The following NXT1 variants were observed in gnomAD, a reference collection of about 807,000 sequenced individuals.
NXT1 encodes NTF2-related export protein 1.
A neutral mutation model predicts 9.9 loss-of-function variants in NXT1; 3 were observed. That is an observed-to-expected ratio of 0.30 (90% CI 0.14 to 0.79). The LOEUF (loss-of-function observed/expected upper bound fraction) is 0.79. Among genes scored for constraint, NXT1 ranks in the 30% least tolerant of loss-of-function variants. The pLI, the probability that NXT1 is intolerant of heterozygous loss-of-function variation, is 0.63. For missense variants in NXT1, 91 were observed against 178.2 expected, an observed-to-expected ratio of 0.51 and a Z score of 2.79; for synonymous variants, 53 against 66.5, an observed-to-expected ratio of 0.80 and a Z score of 0.99.
chr20:23,352,123 C>T (rs778278444), intron 1 of NXT1, among the ~76,000 whole-genome samples: 13 of 152,090 alleles, frequency 8.5e-5, no homozygotes, highest in Non-Finnish European at 1.6e-4. Flanking sequence ...ATCCCATCTA[C>T]ATTGTATTAG....
intron 1 of NXT1, among the ~76,000 whole-genome samples, chr20:23,352,133 G>A (rs994815495): frequency 1.2e-4 from 19 of 152,014 alleles, no homozygotes; most frequent in African/African-American, 4.1e-4. Flanking sequence ...CATTGTATTA[G>A]GTATTATAAG....
Position 23,354,283 on chromosome 20 carries a change from A to G in NXT1, c.242A>G (p.His81Arg), listed in dbSNP as rs751926563. 3 of 1,614,088 alleles carry G rather than the reference A, an allele frequency of 1.9e-6. No individual in the cohort carries two copies. Among genetic ancestry groups the G allele is most frequent in the African/African-American group, 2.7e-5 (2 of 74,938 alleles). Residue 81 changes from histidine to arginine, a missense_variant, in exon 2 of 2, where the codon CAT (histidine) becomes CGT (arginine). By Grantham distance (29) the His-to-Arg change is conservative. Transcript: ENST00000254998. ...QISVVDCQPV[H>R]DEATPSQTTV... is the part of the protein sequence containing the mutation. ...AGCGTGGTAGACTGCCAGCCTGTTC[A>G]TGATGAAGCCACACCAAGCCAGACC...
Position 23,354,414 on chromosome 20 carries a change from G to C in NXT1, c.373G>C (p.Val125Leu), listed in dbSNP as rs1980352274. 6.2e-7 allele frequency: 1 copy of C among 1,614,060 alleles called. No individual in the cohort carries two copies. The highest frequency in any genetic ancestry group is 1.3e-5 in the African/African-American group (1 of 74,934). ...LTAQASPSNT[V>L]WKIASDCFRF... ...CGCCCAGGCCTCACCCAGCAACACA[G>C]TGTGGAAGATCGCAAGTGACTGCTT... The change falls in exon 2 of 2, where the codon GTG becomes CTG. Residue 125 changes from valine (V) to leucine (L), a missense_variant. Coordinates refer to ENST00000254998, the MANE Select transcript of NXT1 (RefSeq NM_013248.3).
Position 23,354,192 on chromosome 20 carries a change from G to A in NXT1, c.151G>A (p.Ala51Thr). Residue 51 changes from alanine to threonine, a missense_variant, in exon 2 of 2, where the codon GCT (alanine) becomes ACT (threonine). By Grantham distance (58) the Ala-to-Thr change is moderately conservative. Transcript: ENST00000254998. ...GTATLVWNGN[A>T]VSGQESLSEF... ...AGCCACCCTGGTCTGGAATGGCAAT[G>A]CTGTTTCAGGACAAGAATCCTTGAG... 6.2e-7 allele frequency: 1 copy of A among 1,614,248 alleles called. No homozygotes were observed. The highest frequency in any genetic ancestry group is 8.5e-7 in the Non-Finnish European group (1 of 1,180,044).
intron 1 of NXT1, 64 bp downstream of exon 1, chr20:23,351,125 C>T (rs1568575126): frequency 6.6e-6 from 1 of 152,226 alleles, no homozygotes; most frequent in Non-Finnish European, 1.5e-5. Context: ...CCCACGCCCT[C>T]CTCCATTGTC....
In NXT1 at chr20:23,354,073, A is replaced by G. The variant is rs779679302; in HGVS notation, c.32A>G (p.Asp11Gly). Residue 11 changes from aspartate to glycine, a missense_variant, in exon 2 of 2, where the codon GAT becomes GGT. By Grantham distance (94) the Asp-to-Gly change is moderately conservative (BLOSUM62 -1). Transcript: ENST00000254998. MASVDFKTYVDQACRAAEEFV... is the reference protein window; with the variant it reads MASVDFKTYVGQACRAAEEFV... ...TCTGTGGATTTCAAGACCTATGTGG[A>G]TCAGGCCTGCAGAGCTGCTGAGGAG... 2 of 1,613,950 alleles carry G rather than the reference A, an allele frequency of 1.2e-6. No individual in the cohort carries two copies. The highest frequency in any genetic ancestry group is 2.2e-5 in the South Asian group (2 of 91,076).
In NXT1 at chr20:23,350,792, C is replaced by G. The variant is rs142868260; in HGVS notation, c.-331C>G. 2.6e-5 allele frequency: 4 copies of G among 152,254 alleles called. No homozygotes were observed. The highest frequency in any genetic ancestry group is 2.0e-4 in the Admixed American group (3 of 15,288). 9.4% of individuals were successfully genotyped at this position (152,254 alleles called of 1,614,324 possible). On this transcript the variant is annotated 5_prime_UTR_variant, in exon 1 of 2. Transcript: ENST00000254998. ...GGAGAGGGCGGCGCCGGGGCGCTCGCGTCTGCGTGGAGACCGGCTGGCCGC... is the reference window on the plus strand; with the variant it reads ...GGAGAGGGCGGCGCCGGGGCGCTCGGGTCTGCGTGGAGACCGGCTGGCCGC...
In NXT1 at chr20:23,353,994, A is replaced by C. The variant is rs776799328; in HGVS notation, c.-48A>C. ...ACTTCCCTGCAGCCCCTGGTTCCCC[A>C]AGGCAGAGGAAATACCCTGGTGGAG... On this transcript the variant is annotated 5_prime_UTR_variant, in exon 2 of 2. Coordinates refer to ENST00000254998, the MANE Select transcript of NXT1 (RefSeq NM_013248.3). 6.4e-7 allele frequency: 1 copy of C among 1,573,720 alleles called. No individual in the cohort carries two copies. The highest frequency in any genetic ancestry group is 8.7e-7 in the Non-Finnish European group (1 of 1,154,312).
In NXT1 at chr20:23,354,033, G is replaced by A; in HGVS notation, c.-9G>A. The A allele has an allele frequency of 6.2e-7, 1 of 1,607,086 alleles. No homozygotes were observed. The highest frequency in any genetic ancestry group is 1.1e-5 in the South Asian group (1 of 90,760). On this transcript the variant is annotated 5_prime_UTR_variant, in exon 2 of 2. Transcript: ENST00000254998. ...ACCCTGGTGGAGCCCTCCTTCCATAGAACCAGAGATGGCATCTGTGGATTT... is the reference window on the plus strand; with the variant it reads ...ACCCTGGTGGAGCCCTCCTTCCATAAAACCAGAGATGGCATCTGTGGATTT...
Position 23,354,563 on chromosome 20 carries a change from G to A in NXT1, c.*99G>A. On this transcript the variant is annotated 3_prime_UTR_variant, in exon 2 of 2. Transcript: ENST00000254998. ...ATGTGAGGAACACAAGTTCATTTCT[G>A]TTGTTGCGGAGACACTGCAGACTCC... 7.2e-7 allele frequency: 1 copy of A among 1,381,006 alleles called. No homozygotes were observed. The highest frequency in any genetic ancestry group is 2.4e-5 in the East Asian group (1 of 40,936). The allele number at this position is 1,381,006 out of a possible 1,614,324, so 85.5% of individuals were successfully genotyped here.
At chr20:23,353,450 T>A (rs940327254) in intron 1 of NXT1, among the ~76,000 whole-genome samples, 6 of 152,148 alleles carry the variant, frequency 3.9e-5, no homozygotes, top group Admixed American at 3.9e-4. Context: ...CGAAACCCTG[T>A]CTCTATTAAA....
intron 1 of NXT1, among the ~76,000 whole-genome samples, chr20:23,353,576 C>T (rs6048751): frequency 0.089 from 13,522 of 152,182 alleles, 1,468 homozygotes; most frequent in African/African-American, 0.25. Context: ...GCCGAGGTCG[C>T]GCCACTGCAC....
chr20:23,351,422 G>T (rs560971679), intron 1 of NXT1: 1 of 152,420 alleles, frequency 6.6e-6, no homozygotes, highest in East Asian at 1.9e-4. Context: ...AGTCTTCACA[G>T]CCTCTTACTC....
At chr20:23,351,247 G>C (rs1980255304) in intron 1 of NXT1, 186 bp downstream of exon 1, 1 of 152,358 alleles carries the variant, frequency 6.6e-6, no homozygotes, top group Admixed American at 6.5e-5. Context: ...GGGGAGGCGC[G>C]TCCCCTCACA....
intron 1 of NXT1, among the ~76,000 whole-genome samples, chr20:23,352,771 AC>A (rs1980308859): frequency 6.6e-6 from 1 of 152,162 alleles, no homozygotes; most frequent in South Asian, 2.1e-4. Context: ...GTGTCCACAC[AC>A]CCAAGAGCTT....
At chr20:23,352,783 T>C (rs1049148309) in intron 1 of NXT1, among the ~76,000 whole-genome samples, 10 of 152,230 alleles carry the variant, frequency 6.6e-5, no homozygotes, top group African/African-American at 2.4e-4. Context: ...CCAAGAGCTT[T>C]GAAATCTAAC....
Position 23,353,981 on chromosome 20 carries a change from C to A in NXT1, c.-61C>A. On this transcript the variant is annotated splice_region_variant and 5_prime_UTR_variant, in exon 2 of 2. Coordinates refer to ENST00000254998, the MANE Select transcript of NXT1 (RefSeq NM_013248.3). ...TCTCTTCAACCTTACTTCCCTGCAG[C>A]CCCTGGTTCCCCAAGGCAGAGGAAA... is the stretch of plus-strand genomic sequence containing the variant. 2 of 1,527,714 alleles carry A rather than the reference C, an allele frequency of 1.3e-6. No homozygotes were observed. 94.6% of individuals were successfully genotyped at this position (1,527,714 alleles called of 1,614,324 possible).
intron 1 of NXT1, among the ~76,000 whole-genome samples, chr20:23,352,932 CT>C (rs1980313643): frequency 6.6e-6 from 1 of 152,216 alleles, no homozygotes; most frequent in African/African-American, 2.4e-5. Flanking sequence ...GGGATTATGG[CT>C]GCCATTTTGA....
rs1980360350 is a variant in NXT1 at position 23,354,679 on chromosome 20, A to G, written c.*215A>G. The G allele has an allele frequency of 1.8e-6, 1 of 562,404 alleles. No homozygotes were observed. The highest frequency in any genetic ancestry group is 2.8e-5 in the South Asian group (1 of 35,824). The allele number at this position is 562,404 out of a possible 1,614,324, so 34.8% of individuals were successfully genotyped here. The stretch of plus-strand genomic sequence containing the variant: ...TTGTTTGTCATAGTTTCCTTTTCAA[A>G]GTAGTAAACTTTTCTATTTTTCTAC... On this transcript the variant is annotated 3_prime_UTR_variant, in exon 2 of 2. Transcript: ENST00000254998.
Sources: gnomAD v4.1 joint callset for allele counts (sites outside exome capture counted in the v4.1 genomes callset) on GRCh38, gnomAD v4.1.1 for gene constraint, MANE v1.5 for transcripts, NCBI Gene and HGNC (gene_info 2026-07-23, HGNC 2026-07-21) for gene names.